The following WWOX variants were observed in gnomAD, a reference collection of about 807,000 sequenced individuals.
WWOX encodes the protein WW domain-containing oxidoreductase.
A neutral mutation model predicts 46.2 loss-of-function variants in WWOX; 69 were observed. The observed-to-expected ratio is 1.49, with a 90% CI of 1.23 to 1.82. The LOEUF (loss-of-function observed/expected upper bound fraction) is 1.82, where lower values mean the gene tolerates loss of function less well. Among genes scored for constraint, WWOX ranks in the 40% most tolerant of loss-of-function variants. The probability of loss-of-function intolerance (pLI) is 0.00; values close to 1 mark genes in which losing one functional copy is unlikely to be tolerated. For synonymous variants in WWOX, 359 were observed against 202.6 expected, an observed-to-expected ratio of 1.77 and a Z score of -6.56; for missense variants, 919 against 542.6, an observed-to-expected ratio of 1.69 and a Z score of -6.89.
intron 8 of WWOX, among the ~76,000 whole-genome samples, chr16:79,002,087 C>T (rs2047104210): frequency 6.6e-6 from 1 of 152,006 alleles, no homozygotes; most frequent in South Asian, 2.1e-4. Flanking sequence ...GGGATGAAAA[C>T]AGGGCAGGCA....
chr16:79,032,905 C>T (rs535551247), intron 8 of WWOX, among the ~76,000 whole-genome samples: 3 of 151,364 alleles, frequency 2.0e-5, no homozygotes, highest in Admixed American at 6.6e-5. Context: ...TTTTCCTGCT[C>T]TTCTCCCTCC....
chr16:78,150,508 A>G (rs2034366659), intron 4 of WWOX, among the ~76,000 whole-genome samples: 1 of 152,148 alleles, frequency 6.6e-6, no homozygotes, highest in Non-Finnish European at 1.5e-5. Flanking sequence ...CTTCCTGAGT[A>G]GCTGGGACTA....
rs545972903 is a variant in WWOX at position 78,276,107 on chromosome 16, G to C, written c.517-110753G>C. Among the ~76,000 whole-genome samples the C allele has an allele frequency of 9.2e-5, 14 of 152,344 alleles. No individual in the cohort carries two copies. The South Asian group carries it at 2.9e-3, about 32-fold the overall frequency. On this transcript the variant is annotated intron_variant, in intron 5 of 8. Transcript: ENST00000566780. ...TGCAGTTTCATGATGGCAAGAAGGA[G>C]GTTACCAAAGCCGTTTTCATACACC...
intron 5 of WWOX, among the ~76,000 whole-genome samples, chr16:78,357,112 T>C (rs1291745353): frequency 1.3e-5 from 2 of 152,150 alleles, no homozygotes; most frequent in Admixed American, 1.3e-4. Flanking sequence ...AGACCTTCCT[T>C]TCTCAGAGCC....
intron 8 of WWOX, among the ~76,000 whole-genome samples, chr16:79,055,649 T>A (rs971715514): frequency 6.6e-6 from 1 of 152,254 alleles, no homozygotes; most frequent in African/African-American, 2.4e-5. Context: ...AAGGTGTATG[T>A]TTGGGGTTGT....
At chr16:79,207,991 C>G (rs536856851) in intron 8 of WWOX, among the ~76,000 whole-genome samples, 5 of 152,258 alleles carry the variant, frequency 3.3e-5, no homozygotes, top group African/African-American at 1.2e-4. Flanking sequence ...ATCTGAGGGC[C>G]TCAACTATAA....
chr16:78,180,517 A>C (rs951409673), intron 5 of WWOX, among the ~76,000 whole-genome samples: 1 of 151,622 alleles, frequency 6.6e-6, no homozygotes, highest in African/African-American at 2.4e-5. Context: ...ATCCAGCTGC[A>C]CAGGAGAGTA....
intron 8 of WWOX, among the ~76,000 whole-genome samples, chr16:78,737,379 C>T (rs1025297977): frequency 6.6e-5 from 10 of 151,846 alleles, no homozygotes; most frequent in Admixed American, 4.6e-4. Flanking sequence ...CAGAATGATC[C>T]GCCTGCCTCA....
At chr16:78,507,674 C>T (rs2085245856) in intron 8 of WWOX, among the ~76,000 whole-genome samples, 1 of 152,144 alleles carries the variant, frequency 6.6e-6, no homozygotes, top group Non-Finnish European at 1.5e-5. Context: ...ATCAGCATTG[C>T]ACCTCTTGGC....
intron 8 of WWOX, among the ~76,000 whole-genome samples, chr16:78,915,575 A>T (rs1168536352): frequency 6.6e-6 from 1 of 152,154 alleles, no homozygotes; most frequent in East Asian, 1.9e-4. Context: ...AAAATGAAAA[A>T]TTGCACTGTG....
At chr16:79,177,595 G>T (rs949873978) in intron 8 of WWOX, among the ~76,000 whole-genome samples, 5 of 152,038 alleles carry the variant, frequency 3.3e-5, no homozygotes, top group African/African-American at 1.2e-4. Context: ...GATGGAGTGG[G>T]GGAAAAAAGT....
At chr16:78,288,339 C>T (rs1417128820) in intron 5 of WWOX, among the ~76,000 whole-genome samples, 1 of 149,704 alleles carries the variant, frequency 6.7e-6, no homozygotes, top group Admixed American at 6.7e-5. Context: ...GACGGGTAAC[C>T]CAGAGGTTCT....
intron 8 of WWOX, among the ~76,000 whole-genome samples, chr16:78,718,060 T>C (rs909215092): frequency 1.8e-5 from 2 of 110,222 alleles, no homozygotes; most frequent in African/African-American, 7.0e-5. Context: ...ATTTGCTTTA[T>C]GGAAGGGGAT....
chr16:79,212,243 G>A lies in WWOX; in HGVS notation c.*447G>A. The A allele has an allele frequency of 7.5e-7, 1 of 1,339,436 alleles. No individual in the cohort carries two copies. Among genetic ancestry groups the A allele is most frequent in the Non-Finnish European group, 9.9e-7 (1 of 1,013,292 alleles). The allele number at this position is 1,339,436 out of a possible 1,614,324, so 83.0% of individuals were successfully genotyped here. A position where few individuals can be genotyped will look rare whatever the true frequency, so the allele number is the denominator to read the frequency against. On this transcript the variant is annotated 3_prime_UTR_variant, in exon 9 of 9. Transcript: ENST00000566780. ...AGTGTTCACTGCTCCTTGCTGCATT[G>A]ATCCAGGAGATAATTGTTTCATTCA...
intron 8 of WWOX, among the ~76,000 whole-genome samples, chr16:78,671,951 T>A (rs553325079): frequency 7.9e-5 from 12 of 152,248 alleles, no homozygotes; most frequent in Non-Finnish European, 1.2e-4. Flanking sequence ...GGCCTTCAAC[T>A]GGGTAGTGGA....
At chr16:78,870,202 C>T (rs2044096440) in intron 8 of WWOX, among the ~76,000 whole-genome samples, 1 of 152,314 alleles carries the variant, frequency 6.6e-6, no homozygotes, top group South Asian at 2.1e-4. Flanking sequence ...AGGTAATCTG[C>T]TTCCTCAAGA....
intron 5 of WWOX, among the ~76,000 whole-genome samples, chr16:78,239,121 C>G (rs936005598): frequency 6.6e-6 from 1 of 152,144 alleles, no homozygotes; most frequent in African/African-American, 2.4e-5. Flanking sequence ...GCCACTGTGT[C>G]TGGTGCTCAC....
Position 79,212,464 on chromosome 16 carries a change from T to TCATTCCTTAGATACCTTG in WWOX, c.*669_*686dup. The TCATTCCTTAGATACCTTG allele has an allele frequency of 4.1e-6, 1 of 241,382 alleles. No homozygotes were observed. The highest frequency in any genetic ancestry group is 8.1e-6 in the Non-Finnish European group (1 of 123,142). 15.0% of individuals were successfully genotyped at this position (241,382 alleles called of 1,614,324 possible). A position where few individuals can be genotyped will look rare whatever the true frequency, so the allele number is the denominator to read the frequency against. ...TAGAGATTATAACAAATTTTTCAAATCATTCCTTAGATACCTTGAAAGGCA... is the reference window on the plus strand; with the variant it reads ...TAGAGATTATAACAAATTTTTCAAATCATTCCTTAGATACCTTGCATTCCTTAGATACCTTGAAAGGCA... On this transcript the variant is annotated 3_prime_UTR_variant, in exon 9 of 9. Transcript: ENST00000566780.
In WWOX at chr16:78,440,612, G is replaced by GT. The variant is rs57345113; in HGVS notation, c.1056+7872dup. The stretch of plus-strand genomic sequence containing the variant: ...GCAGTTTGAAAACATAATTTCTGTA[G>GT]TTTTTTTTTTTTCTTTTTTTTTGAG... On this transcript the variant is annotated intron_variant, in intron 8 of 8. Transcript: ENST00000566780. Among the ~76,000 whole-genome samples the GT allele has an allele frequency of 5.7e-3, 829 of 144,406 alleles. 2 individuals carry two copies. Among genetic ancestry groups the GT allele is most frequent in the Non-Finnish European group, 5.7e-3 (378 of 66,124 alleles). The allele number at this position is 144,406 out of a possible 152,430, so 94.7% of individuals were successfully genotyped here. A position where few individuals can be genotyped will look rare whatever the true frequency, so the allele number is the denominator to read the frequency against.
Sources: allele counts gnomAD v4.1 joint callset (sites outside exome capture counted in the v4.1 genomes callset), GRCh38; gene constraint gnomAD v4.1.1; transcripts MANE v1.5; gene names NCBI Gene and HGNC (gene_info 2026-07-23, HGNC 2026-07-21).